Variants in LHX3 observed in about 807,000 individuals in gnomAD.
LHX3 encodes LIM/homeobox protein Lhx3.
In LHX3, 21 loss-of-function variants were observed where a neutral mutation model predicts 32.4. The observed-to-expected ratio is 0.65, with a 90% CI of 0.46 to 0.93. The LOEUF is 0.93. Ranked by LOEUF, LHX3 falls within the 40% of genes least tolerant of loss-of-function variation. LHX3 has a pLI of 0.00. For missense variants in LHX3, 626 were observed against 560.0 expected, an observed-to-expected ratio of 1.12 and a Z score of -1.19; for synonymous variants, 258 against 246.8, an observed-to-expected ratio of 1.05 and a Z score of -0.43.
chr9:136,199,966 T>G (rs1012709006), intron 2 of LHX3, 86 bp from the exon 3 acceptor site: 23 of 1,389,666 alleles, frequency 1.7e-5, no homozygotes, highest in Non-Finnish European at 2.3e-5. Flanking sequence ...AGCGGCTGCC[T>G]GGGAAGGCGG....
chr9:136,203,680 C>T (rs1312608733), intron 1 of LHX3, among the ~76,000 whole-genome samples: 1 of 152,204 alleles, frequency 6.6e-6, no homozygotes, highest in Non-Finnish European at 1.5e-5. Context: ...CGGCCCCGGA[C>T]GGCTCAGGGA....
rs536168219 is a variant in LHX3 at position 136,197,122 on chromosome 9, G to A, written c.*203C>T. On this transcript the variant is annotated 3_prime_UTR_variant, in exon 6 of 6. Transcript: ENST00000371748. ...CTGGCTTGCTGGGAGGCCACCTGGC[G>A]GGCCAGCCCTGTGTCAGAGGAGGGG... 3.3e-5 allele frequency: 20 copies of A among 603,700 alleles called. No homozygotes were observed. The highest frequency in any genetic ancestry group is 1.4e-4 in the East Asian group (5 of 35,892). The allele number at this position is 603,700 out of a possible 1,614,324, so 37.4% of individuals were successfully genotyped here.
chr9:136,202,805 C>A, intron 1 of LHX3: 7 of 975,068 alleles, frequency 7.2e-6, no homozygotes, highest in South Asian at 7.0e-5. Flanking sequence ...CAGGCTGAGG[C>A]GCCCAGGCGC....
Position 136,197,534 on chromosome 9 carries a change from C to G in LHX3, c.985G>C (p.Gly329Arg), listed in dbSNP as rs758090403. Residue 329 changes from glycine (G) to arginine (R), a missense_variant, in exon 6 of 6, where the codon GGC becomes CGC. Coordinates refer to ENST00000371748, the MANE Select transcript of LHX3 (RefSeq NM_178138.6). ...AGGCTGGAGAGGAGGGGCTGGGGGCCAGGGAGGCTCTGCGGGGCGGCGGGG... is the reference window on the plus strand; with the variant it reads ...AGGCTGGAGAGGAGGGGCTGGGGGCGAGGGAGGCTCTGCGGGGCGGCGGGG... ...PSPAAPQSLP[G>R]PQPLLSSLVY... 5.2e-6 allele frequency: 8 copies of G among 1,527,454 alleles called. No homozygotes were observed. The South Asian group carries it at 9.7e-5, about 19-fold the overall frequency. The allele number at this position is 1,527,454 out of a possible 1,614,324, so 94.6% of individuals were successfully genotyped here. A position where few individuals can be genotyped will look rare whatever the true frequency, so the allele number is the denominator to read the frequency against.
chr9:136,201,728 C>T (rs1004890605), intron 1 of LHX3: 30 of 982,796 alleles, frequency 3.1e-5, no homozygotes, highest in Non-Finnish European at 3.5e-5. Context: ...AAAAACTGGG[C>T]TGCGCCTCCC....
chr9:136,199,382 C>T (rs1421344045), intron 3 of LHX3, among the ~76,000 whole-genome samples: 3 of 152,232 alleles, frequency 2.0e-5, no homozygotes, highest in East Asian at 1.9e-4. Flanking sequence ...CCGCGGGCTC[C>T]CCTTTATTCT....
Position 136,197,299 on chromosome 9 carries a change from A to C in LHX3, c.*26T>G, listed in dbSNP as rs752886818. Reference sequence around the variant, plus strand: ...CACCCAGGGGCAGCTCCCTCGTGTGAGGTGCAGGGTGGAGCCGGGCCTGGG... The same window carrying C: ...CACCCAGGGGCAGCTCCCTCGTGTGCGGTGCAGGGTGGAGCCGGGCCTGGG... On this transcript the variant is annotated 3_prime_UTR_variant, in exon 6 of 6. Coordinates refer to ENST00000371748, the MANE Select transcript of LHX3 (RefSeq NM_178138.6). 1 of 1,610,076 alleles carries C rather than the reference A, an allele frequency of 6.2e-7. No individual in the cohort carries two copies. Among genetic ancestry groups the C allele is most frequent in the African/African-American group, 1.3e-5 (1 of 74,872 alleles).
chr9:136,197,760 G>A lies in LHX3; in HGVS notation c.776-17C>T, dbSNP rs570091559. The A allele has an allele frequency of 5.0e-6, 8 of 1,598,836 alleles. No homozygotes were observed. Among genetic ancestry groups the A allele is most frequent in the Admixed American group, 3.3e-5 (2 of 59,946 alleles). ...AAGGCTCATCTGCAACAGAAGCAGA[G>A]GCTCAGTCAGCGCCTGCCCTCCACC... On this transcript the variant is annotated splice_polypyrimidine_tract_variant and intron_variant, in intron 5 of 5. Coordinates refer to ENST00000371748, the MANE Select transcript of LHX3 (RefSeq NM_178138.6).
chr9:136,203,126 T>A, intron 1 of LHX3: 9 of 1,369,570 alleles, frequency 6.6e-6, no homozygotes, highest in East Asian at 3.4e-5. Context: ...CGAACCGGCG[T>A]CCAAGCGACT....
Position 136,197,585 on chromosome 9 carries a change from C to G in LHX3, c.934G>C (p.Gly312Arg), listed in dbSNP as rs866451680. Residue 312 changes from glycine to arginine, a missense_variant, in exon 6 of 6, where the codon GGC becomes CGC. Physicochemically the swap from Gly to Arg is moderately radical, Grantham distance 125. Coordinates refer to ENST00000371748, the MANE Select transcript of LHX3 (RefSeq NM_178138.6). ...GPEQYRELRP[G>R]SPYGVPPSPA... Reference sequence around the variant, plus strand: ...GATGGGGGGACACCGTAGGGGCTGCCGGGACGCAGCTCTCGGTACTGCTCT... The same window carrying G: ...GATGGGGGGACACCGTAGGGGCTGCGGGGACGCAGCTCTCGGTACTGCTCT... 1 of 1,538,348 alleles carries G rather than the reference C, an allele frequency of 6.5e-7. No homozygotes were observed.
chr9:136,198,278 A>C (rs1831544317), intron 5 of LHX3, among the ~76,000 whole-genome samples: 1 of 152,162 alleles, frequency 6.6e-6, no homozygotes, highest in African/African-American at 2.4e-5. Flanking sequence ...AACTCCAAGC[A>C]GCTGGGACTT....
Position 136,196,299 on chromosome 9 carries a change from C to G in LHX3, c.*1026G>C, listed in dbSNP as rs1025910627. The G allele has an allele frequency of 6.6e-6, 1 of 152,366 alleles. No individual in the cohort carries two copies. Among genetic ancestry groups the G allele is most frequent in the Non-Finnish European group, 1.5e-5 (1 of 68,040 alleles). 9.4% of individuals were successfully genotyped at this position (152,366 alleles called of 1,614,324 possible). A position where few individuals can be genotyped will look rare whatever the true frequency, so the allele number is the denominator to read the frequency against. On this transcript the variant is annotated 3_prime_UTR_variant, in exon 6 of 6. Transcript: ENST00000371748. ...GAAGTCTTGGAAAGAGCTGATCACC[C>G]GAGAATAAATAAAAGACACAGAACA...
intron 1 of LHX3, 70 bp downstream of exon 1, chr9:136,204,854 CGCTGGCCCTG>C: frequency 8.4e-7 from 1 of 1,190,566 alleles, no homozygotes; most frequent in Middle Eastern, 1.9e-4. Flanking sequence ...TTTGCCTGGC[CGCTGGCCCTG>C]CACGCACCCC....
chr9:136,198,861 G>A (rs765315384), intron 4 of LHX3, 41 bp from the exon 5 acceptor site: 25 of 1,594,760 alleles, frequency 1.6e-5, no homozygotes, highest in Admixed American at 3.4e-5. Context: ...GGCTCTGCGG[G>A]GGCCCCCAAG....
In LHX3 at chr9:136,205,086, A is replaced by G. The variant is rs923328945; in HGVS notation, c.-74T>C. ...GTCCCCTGGAGGGTTCGGGGCTCCCAAGTCCCGCCGCGTCGTGCGGGGCAG... is the reference window on the plus strand; with the variant it reads ...GTCCCCTGGAGGGTTCGGGGCTCCCGAGTCCCGCCGCGTCGTGCGGGGCAG... On this transcript the variant is annotated 5_prime_UTR_variant, in exon 1 of 6. Coordinates refer to ENST00000371748, the MANE Select transcript of LHX3 (RefSeq NM_178138.6). 3.9e-5 allele frequency: 50 copies of G among 1,296,462 alleles called. No individual in the cohort carries two copies. The highest frequency in any genetic ancestry group is 5.0e-5 in the Non-Finnish European group (47 of 948,110). 80.3% of individuals were successfully genotyped at this position (1,296,462 alleles called of 1,614,324 possible). A position where few individuals can be genotyped will look rare whatever the true frequency, so the allele number is the denominator to read the frequency against.
chr9:136,204,504 A>AT (rs1408589286), intron 1 of LHX3, among the ~76,000 whole-genome samples: 1 of 152,086 alleles, frequency 6.6e-6, no homozygotes, highest in Non-Finnish European at 1.5e-5. Context: ...TGCCTCCATT[A>AT]TTTCCCAGCG....
Position 136,198,977 on chromosome 9 carries a change from C to T in LHX3, c.537G>A (p.Ser179=), listed in dbSNP as rs1276407981. 6.3e-7 allele frequency: 1 copy of T among 1,592,596 alleles called. No individual in the cohort carries two copies. Among genetic ancestry groups the T allele is most frequent in the South Asian group, 1.1e-5 (1 of 88,770 alleles). Residue 179 remains serine (S), a synonymous_variant, in exon 4 of 6, where the codon TCG becomes TCA. Coordinates refer to ENST00000371748, the MANE Select transcript of LHX3 (RefSeq NM_178138.6). ...CGCGCACGTGGCGCGCCGGCTTGGGCGAGGTGTTGTAAGCGCTCTTCAGCG... is the reference window on the plus strand; with the variant it reads ...CGCGCACGTGGCGCGCCGGCTTGGGTGAGGTGTTGTAAGCGCTCTTCAGCG... ...LETLKSAYNT[S]PKPARHVREQ...
chr9:136,202,919 G>A (rs1457021716), intron 1 of LHX3: 1 of 1,531,504 alleles, frequency 6.5e-7, no homozygotes, highest in Admixed American at 2.0e-5. Flanking sequence ...GGTCTCCCCG[G>A]TGCAGCCACT....
At position 136,197,427 on chromosome 9, in the gene LHX3, G is replaced by T. The variant is rs886063702; in HGVS notation, c.1092C>A (p.Asn364Lys). 2 of 1,599,244 alleles carry T rather than the reference G, an allele frequency of 1.3e-6. No homozygotes were observed. Among genetic ancestry groups the T allele is most frequent in the Non-Finnish European group, 1.7e-6 (2 of 1,174,152 alleles). The change falls in exon 6 of 6, where the codon AAC (asparagine) becomes AAA (lysine). Residue 364 changes from asparagine to lysine, a missense_variant. Transcript: ENST00000371748. ...GPPPMRVLAGNGPSSDLSTGS... is the reference protein window; with the variant it reads ...GPPPMRVLAGKGPSSDLSTGS... Reference sequence around the variant, plus strand: ...CCGTGGATAGGTCAGAACTGGGTCCGTTCCCTGCCAGCACCCTCATGGGTG... The same window carrying T: ...CCGTGGATAGGTCAGAACTGGGTCCTTTCCCTGCCAGCACCCTCATGGGTG...
Sources: allele counts gnomAD v4.1 joint callset (sites outside exome capture counted in the v4.1 genomes callset), GRCh38; gene constraint gnomAD v4.1.1; transcripts MANE v1.5; gene names NCBI Gene and HGNC (gene_info 2026-07-23, HGNC 2026-07-21).